CPNE4: variants seen among roughly 807,000 people sequenced by gnomAD.
CPNE4 encodes copine 4.
A neutral mutation model predicts 67.9 loss-of-function variants in CPNE4; 25 were observed. The ratio of observed to expected loss-of-function variants is 0.37; its 90% CI spans 0.27 to 0.51. CPNE4 has a LOEUF of 0.51. Among genes scored for constraint, CPNE4 ranks in the 20% least tolerant of loss-of-function variants. The pLI, the probability that CPNE4 is intolerant of heterozygous loss-of-function variation, is 0.93. For synonymous variants in CPNE4, 242 were observed against 244.9 expected (o/e 0.99, Z 0.11); for missense variants, 464 against 690.8 (o/e 0.67, Z 3.68).
At chr3:131,969,710 T>A (rs2072453165) in intron 1 of CPNE4, among the ~76,000 whole-genome samples, 1 of 152,158 alleles carries the variant, frequency 6.6e-6, no homozygotes, top group East Asian at 1.9e-4. Flanking sequence ...GACTCCAAAA[T>A]ACAAATAAAA....
intron 2 of CPNE4, among the ~76,000 whole-genome samples, chr3:131,901,366 T>C (rs1040823564): frequency 1.3e-5 from 2 of 152,076 alleles, no homozygotes; most frequent in African/African-American, 4.8e-5. Flanking sequence ...CATCATTACA[T>C]AGCCAGGAGT....
chr3:131,747,122 T>G (rs1478355754), intron 2 of CPNE4, among the ~76,000 whole-genome samples: 1 of 151,498 alleles, frequency 6.6e-6, no homozygotes, highest in African/African-American at 2.4e-5. Context: ...AATCATGTTT[T>G]TTTTTTTTTT....
intron 7 of CPNE4, among the ~76,000 whole-genome samples, chr3:131,653,334 CA>C (rs368894581): frequency 6.6e-4 from 100 of 151,310 alleles, no homozygotes; most frequent in African/African-American, 2.4e-3. Context: ...TTTTTTAGTA[CA>C]GATGGGGTTT....
chr3:131,954,564 G>A (rs1306442671), intron 1 of CPNE4, among the ~76,000 whole-genome samples: 3 of 152,158 alleles, frequency 2.0e-5, no homozygotes, highest in East Asian at 3.9e-4. Context: ...TATTACATAT[G>A]TATAGATGTG....
chr3:131,886,232 T>C (rs564023116), intron 2 of CPNE4, among the ~76,000 whole-genome samples: 1 of 152,310 alleles, frequency 6.6e-6, no homozygotes, highest in Non-Finnish European at 1.5e-5. Context: ...GGGGCCAATG[T>C]GGAGCTTGGA....
chr3:131,975,270 G>T (rs1292198547), intron 1 of CPNE4, among the ~76,000 whole-genome samples: 2 of 152,094 alleles, frequency 1.3e-5, no homozygotes, highest in African/African-American at 4.8e-5. Context: ...AGGAGAAACA[G>T]GAAGCGATAA....
intron 1 of CPNE4, among the ~76,000 whole-genome samples, chr3:131,987,335 A>G (rs1329301990): frequency 1.3e-5 from 2 of 152,096 alleles, no homozygotes; most frequent in African/African-American, 4.8e-5. Flanking sequence ...CAAAATTGAC[A>G]CAATAAGTAG....
chr3:131,832,899 A>G (rs1442615409), intron 2 of CPNE4, among the ~76,000 whole-genome samples: 1 of 152,162 alleles, frequency 6.6e-6, no homozygotes, highest in Non-Finnish European at 1.5e-5. Flanking sequence ...AATGCTATAG[A>G]CTGACTGCTA....
At chr3:131,681,857 A>G (rs2080766231) in intron 6 of CPNE4, among the ~76,000 whole-genome samples, 1 of 151,906 alleles carries the variant, frequency 6.6e-6, no homozygotes, top group Non-Finnish European at 1.5e-5. Context: ...TCTGTTTTCA[A>G]ATAGCCTATC....
At chr3:132,012,902 T>A (rs2073803254) in intron 1 of CPNE4, among the ~76,000 whole-genome samples, 1 of 152,030 alleles carries the variant, frequency 6.6e-6, no homozygotes, top group South Asian at 2.1e-4. Flanking sequence ...AAAGAGAAGG[T>A]CCTAATAACA....
chr3:131,572,291 A>C (rs1031013938), intron 10 of CPNE4, among the ~76,000 whole-genome samples: 1 of 152,100 alleles, frequency 6.6e-6, no homozygotes, highest in African/African-American at 2.4e-5. Flanking sequence ...AAACATGTGG[A>C]AAAGGTTAAT....
chr3:131,651,811 G>A (rs965510912), intron 7 of CPNE4, among the ~76,000 whole-genome samples: 1 of 152,138 alleles, frequency 6.6e-6, no homozygotes, highest in Non-Finnish European at 1.5e-5. Context: ...CCAGATCCAA[G>A]TTTTAGTCTG....
At chr3:131,909,100 A>G (rs59299676) in intron 1 of CPNE4, among the ~76,000 whole-genome samples, 18 of 152,194 alleles carry the variant, frequency 1.2e-4, no homozygotes, top group African/African-American at 3.1e-4. Flanking sequence ...AACCTGTACA[A>G]TCTGAGCATA....
At chr3:131,559,709 G>A (rs1455754868) in intron 11 of CPNE4, among the ~76,000 whole-genome samples, 2 of 152,026 alleles carry the variant, frequency 1.3e-5, no homozygotes, top group East Asian at 3.9e-4. Context: ...AAATTTTGGA[G>A]GGAAGAGAAT....
chr3:131,873,200 T>G (rs538884875), intron 2 of CPNE4, among the ~76,000 whole-genome samples: 1 of 152,346 alleles, frequency 6.6e-6, no homozygotes, highest in East Asian at 1.9e-4. Context: ...CTTTTCTCTT[T>G]GTTTTCCCAG....
intron 7 of CPNE4, among the ~76,000 whole-genome samples, chr3:131,661,940 A>G (rs1401612082): frequency 6.6e-6 from 1 of 152,124 alleles, no homozygotes; most frequent in Non-Finnish European, 1.5e-5. Flanking sequence ...TGTAATTCAT[A>G]TCTAATGATT....
At position 132,005,696 on chromosome 3, in the gene CPNE4, A is replaced by G. The variant is rs552837275; in HGVS notation, c.-2+28871T>C. Among the ~76,000 whole-genome samples, 241 of 152,018 alleles carry G rather than the reference A, an allele frequency of 1.6e-3. 1 individual carries two copies. Among genetic ancestry groups the G allele is most frequent in the Non-Finnish European group, 1.8e-3 (122 of 67,954 alleles). The stretch of plus-strand genomic sequence containing the variant: ...GACCCCCACATATACCCAAATCCAC[A>G]CATACCCAAGTTTCCCAGTGGGTCC... On this transcript the variant is annotated intron_variant, in intron 1 of 15. Coordinates refer to ENST00000429747, the MANE Select transcript of CPNE4 (RefSeq NM_130808.3).
At chr3:131,753,662 C>A (rs2082684076) in intron 2 of CPNE4, among the ~76,000 whole-genome samples, 1 of 152,084 alleles carries the variant, frequency 6.6e-6, no homozygotes, top group Non-Finnish European at 1.5e-5. Context: ...AAATAGCCAA[C>A]ATATTTCAGA....
intron 1 of CPNE4, among the ~76,000 whole-genome samples, chr3:132,009,879 G>C (rs1334418502): frequency 6.6e-6 from 1 of 152,210 alleles, no homozygotes; most frequent in Admixed American, 6.5e-5. Context: ...GTAAAGGTCA[G>C]GGATGCTACT....
Sources: gnomAD v4.1 joint callset for allele counts (sites outside exome capture counted in the v4.1 genomes callset) on GRCh38, gnomAD v4.1.1 for gene constraint, MANE v1.5 for transcripts, NCBI Gene and HGNC (gene_info 2026-07-23, HGNC 2026-07-21) for gene names.